FOXN3: variants seen among roughly 807,000 people sequenced by gnomAD.
FOXN3 encodes the protein forkhead box protein N3.
FOXN3 carries 7 observed loss-of-function variants against 38.4 expected under a neutral mutation model. The ratio of observed to expected loss-of-function variants is 0.18; its 90% CI spans 0.10 to 0.34. The LOEUF is 0.34. Ranked by LOEUF, FOXN3 falls within the 10% of genes least tolerant of loss-of-function variation. FOXN3 has a pLI of 1.00. For synonymous variants in FOXN3, 230 were observed against 242.2 expected, an observed-to-expected ratio of 0.95 and a Z score of 0.47; for missense variants, 456 against 613.4, an observed-to-expected ratio of 0.74 and a Z score of 2.71.
intron 2 of FOXN3, among the ~76,000 whole-genome samples, chr14:89,396,832 C>CAA (rs11307508): frequency 3.4e-3 from 333 of 96,880 alleles, no homozygotes; most frequent in African/African-American, 0.012. Flanking sequence ...AACTCCATCT[C>CAA]AAAAAAAAAA....
At chr14:89,252,654 CAAAA>C (rs397827971) in intron 4 of FOXN3, among the ~76,000 whole-genome samples, 1 of 93,952 alleles carries the variant, frequency 1.1e-5, no homozygotes. Flanking sequence ...AACTCTATCT[CAAAA>C]AAAAAAAAAA....
At chr14:89,218,489 TTGAG>T (rs1884355841) in intron 4 of FOXN3, among the ~76,000 whole-genome samples, 1 of 152,202 alleles carries the variant, frequency 6.6e-6, no homozygotes, top group African/African-American at 2.4e-5. Context: ...TTCAAAACAA[TTGAG>T]TATTAAGTTT....
chr14:89,412,426 A>C lies in FOXN3; in HGVS notation c.51T>G (p.Ser17Arg), dbSNP rs779276691. Residue 17 changes from serine (S) to arginine (R), a missense_variant, in exon 2 of 6, where the codon AGT becomes AGG. By Grantham distance (110) the Ser-to-Arg change is moderately radical (BLOSUM62 -1). This residue lies in a region of FOXN3 where 59 missense variants were observed against 69.0 expected (regional missense o/e 0.85). Coordinates refer to ENST00000557258, the MANE Select transcript of FOXN3 (RefSeq NM_005197.4). This position sits in a 1 kb window ranked among gnomAD's most constrained non-coding sequence, Gnocchi z 4.7. ...PSKKPESSGI[S>R]VSSGLSQCYG... The stretch of plus-strand genomic sequence containing the variant: ...AACACTGACTCAGTCCACTGGAGAC[A>C]CTAATTCCTGAGCTTTCTGGCTTCT... 6.2e-7 allele frequency: 1 copy of C among 1,613,224 alleles called. No individual in the cohort carries two copies. The highest frequency in any genetic ancestry group is 1.3e-5 in the African/African-American group (1 of 74,894).
chr14:89,222,593 G>A (rs1884501938), intron 4 of FOXN3, among the ~76,000 whole-genome samples: 1 of 152,054 alleles, frequency 6.6e-6, no homozygotes, highest in African/African-American at 2.4e-5. Context: ...CAACCCAGGA[G>A]TCAGGGGCAC....
chr14:89,407,953 A>T lies in FOXN3; in HGVS notation c.543+3981T>A, dbSNP rs553200910. Among the ~76,000 whole-genome samples, 5 of 152,350 alleles carry T rather than the reference A, an allele frequency of 3.3e-5. No homozygotes were observed. In the South Asian group the frequency reaches 1.0e-3, roughly 32 times the overall value. ...GTGTGTTATGGGGGTATATCAAGTCATTATACGATTCTAGTTCTGTGTATG... is the reference window on the plus strand; with the variant it reads ...GTGTGTTATGGGGGTATATCAAGTCTTTATACGATTCTAGTTCTGTGTATG... On this transcript the variant is annotated intron_variant, in intron 2 of 5. Transcript: ENST00000557258.
intron 4 of FOXN3, among the ~76,000 whole-genome samples, chr14:89,201,893 T>C (rs76049048): frequency 0.014 from 2,076 of 152,342 alleles, 24 homozygotes; most frequent in Non-Finnish European, 0.022. Context: ...GGGGTGCTCA[T>C]AGTGGCTTGG....
chr14:89,415,882 A>ACACACACACACACACACC (rs1491426672), intron 1 of FOXN3, among the ~76,000 whole-genome samples: 9 of 135,100 alleles, frequency 6.7e-5, no homozygotes, highest in African/African-American at 1.8e-4. Flanking sequence ...ACACACACAC[A>ACACACACACACACACACC]CCCTCTTTTG....
At chr14:89,449,938 A>G (rs1892581725) in intron 1 of FOXN3, among the ~76,000 whole-genome samples, 1 of 152,136 alleles carries the variant, frequency 6.6e-6, no homozygotes, top group Non-Finnish European at 1.5e-5. Context: ...CAGGAGTGGG[A>G]GTGGGTGGTT....
chr14:89,239,846 T>C (rs1160645091), intron 4 of FOXN3, among the ~76,000 whole-genome samples: 1 of 152,204 alleles, frequency 6.6e-6, no homozygotes, highest in Non-Finnish European at 1.5e-5. Flanking sequence ...AGTCTTATGA[T>C]CCTATTTTCT....
intron 1 of FOXN3, among the ~76,000 whole-genome samples, chr14:89,433,268 C>T (rs148126111): frequency 3.3e-5 from 5 of 151,950 alleles, no homozygotes; most frequent in South Asian, 2.1e-4. Context: ...CAGATCACAA[C>T]GTCAGGAGTT....
rs773487120 is a variant in FOXN3 at position 89,412,162 on chromosome 14, G to A, written c.315C>T (p.Tyr105=). 1.3e-5 allele frequency: 21 copies of A among 1,611,436 alleles called. No individual in the cohort carries two copies. The highest frequency in any genetic ancestry group is 1.7e-4 in the Middle Eastern group (1 of 6,048). The part of the protein sequence containing the change: ...PPSPAHSDMP[Y]DARQNPNCKP... ...TGCAGTTGGGGTTCTGCCTGGCATC[G>A]TAGGGCATGTCAGAGTGGGCAGGGG... The change falls in exon 2 of 6, where the codon TAC becomes TAT. Residue 105 remains tyrosine, a synonymous_variant. Transcript: ENST00000557258. The surrounding 1 kb of genome is among the most constrained non-coding windows in gnomAD (Gnocchi z 4.7).
chr14:89,270,071 G>C (rs1886101286), intron 4 of FOXN3, among the ~76,000 whole-genome samples: 1 of 152,100 alleles, frequency 6.6e-6, no homozygotes, highest in African/African-American at 2.4e-5. Context: ...ACAATCAGAG[G>C]GACAGATCAC....
At chr14:89,300,781 ATGTT>A (rs1566950691) in intron 3 of FOXN3, among the ~76,000 whole-genome samples, 2 of 152,082 alleles carry the variant, frequency 1.3e-5, no homozygotes, top group Admixed American at 6.5e-5. Flanking sequence ...AATAGTGCAG[ATGTT>A]TGTTTGTTCA....
intron 3 of FOXN3, among the ~76,000 whole-genome samples, chr14:89,334,193 A>T (rs1888367559): frequency 1.3e-5 from 2 of 152,114 alleles, no homozygotes; most frequent in Non-Finnish European, 2.9e-5. Flanking sequence ...ATGGAATTTT[A>T]AAAAGGCAAA....
At chr14:89,377,224 G>C (rs2140062623) in intron 2 of FOXN3, among the ~76,000 whole-genome samples, 1 of 151,086 alleles carries the variant, frequency 6.6e-6, no homozygotes, top group South Asian at 2.1e-4. Context: ...GAGGGGGAGA[G>C]GAAAATGGGA....
At chr14:89,506,150 A>G (rs1893925596) in intron 1 of FOXN3, among the ~76,000 whole-genome samples, 1 of 89,068 alleles carries the variant, frequency 1.1e-5, no homozygotes, top group African/African-American at 3.6e-5. Flanking sequence ...CCTACTGGGA[A>G]GTGAGGAGCC....
intron 4 of FOXN3, among the ~76,000 whole-genome samples, chr14:89,225,872 G>A (rs749147987): frequency 3.3e-5 from 5 of 152,060 alleles, no homozygotes; most frequent in Non-Finnish European, 7.4e-5. Flanking sequence ...TTTCACAAAC[G>A]TTTTAACATC....
intron 1 of FOXN3, among the ~76,000 whole-genome samples, chr14:89,613,805 T>C (rs1896442156): frequency 6.6e-6 from 1 of 152,230 alleles, no homozygotes. Context: ...GAACTCCCTC[T>C]GAGAAACAAT....
chr14:89,472,792 T>C (rs1893132941), intron 1 of FOXN3, among the ~76,000 whole-genome samples: 3 of 151,826 alleles, frequency 2.0e-5, no homozygotes, highest in East Asian at 1.9e-4. Flanking sequence ...CAGTTGGTCA[T>C]TATATATGTA....
Sources: allele counts gnomAD v4.1 joint callset (sites outside exome capture counted in the v4.1 genomes callset), GRCh38; gene constraint gnomAD v4.1.1; regional missense constraint gnomAD v4.1.1; non-coding constraint Gnocchi (gnomAD v3.1); transcripts MANE v1.5; gene names NCBI Gene and HGNC (gene_info 2026-07-23, HGNC 2026-07-21).